ABI3BP: variants seen among roughly 807,000 people sequenced by gnomAD.
ABI3BP encodes the protein ABI family member 3 binding protein, also known as target of Nesh-SH3.
A neutral mutation model predicts 268.6 loss-of-function variants in ABI3BP; 216 were observed. The ratio of observed to expected loss-of-function variants is 0.80; its 90% CI spans 0.72 to 0.90. The LOEUF is 0.90. ABI3BP is among the 40% of genes least tolerant of loss of function. The probability of loss-of-function intolerance (pLI) is 0.00; values close to 1 mark genes in which losing one functional copy is unlikely to be tolerated. For missense variants in ABI3BP, 2,090 were observed against 2,182.4 expected, an observed-to-expected ratio of 0.96 and a Z score of 0.84; for synonymous variants, 730 against 730.0, an observed-to-expected ratio of 1.00 and a Z score of 0.00.
chr3:100,868,886 C>G (rs1449455668), intron 9 of ABI3BP, among the ~76,000 whole-genome samples: 3 of 151,548 alleles, frequency 2.0e-5, no homozygotes, highest in African/African-American at 7.3e-5. Context: ...TTTGTGTGAA[C>G]CATTCTGATT....
intron 18 of ABI3BP, 106 bp from the exon 19 acceptor site, chr3:100,847,779 G>A (rs2098789372): frequency 5.5e-6 from 5 of 910,222 alleles, no homozygotes; most frequent in Non-Finnish European, 8.9e-6. Flanking sequence ...ATATTTAGTA[G>A]TCAAAGTATA....
chr3:100,875,437 C>T, intron 8 of ABI3BP, 71 bp downstream of exon 8: 1 of 1,189,660 alleles, frequency 8.4e-7, no homozygotes, highest in Non-Finnish European at 1.3e-6. Context: ...CTGCAAAACT[C>T]CAGAAAAGCC....
At chr3:100,885,222 T>A (rs1245857192) in intron 6 of ABI3BP, among the ~76,000 whole-genome samples, 1 of 152,054 alleles carries the variant, frequency 6.6e-6, no homozygotes, top group Non-Finnish European at 1.5e-5. Context: ...ATCAATTTGC[T>A]CTTGAAACAT....
chr3:100,977,035 A>G (rs1056329169), intron 1 of ABI3BP, among the ~76,000 whole-genome samples: 2 of 151,960 alleles, frequency 1.3e-5, no homozygotes, highest in Non-Finnish European at 2.9e-5. Context: ...TTTTCCAATC[A>G]CTCTTTAATC....
At chr3:100,830,769 G>A in intron 31 of ABI3BP, 135 bp from the exon 32 acceptor site, 1 of 668,736 alleles carries the variant, frequency 1.5e-6, no homozygotes, top group Non-Finnish European at 2.4e-6. Flanking sequence ...AAAGAAAGTG[G>A]CTGTATTTTT....
intron 1 of ABI3BP, among the ~76,000 whole-genome samples, chr3:100,975,544 C>A (rs1338708986): frequency 1.4e-4 from 22 of 152,048 alleles, no homozygotes; most frequent in Admixed American, 1.4e-3. Context: ...TGCTTTTAGA[C>A]CTGACTCAAT....
intron 54 of ABI3BP, among the ~76,000 whole-genome samples, chr3:100,793,218 A>G (rs1416672292): frequency 6.6e-6 from 1 of 151,994 alleles, no homozygotes; most frequent in African/African-American, 2.4e-5. Flanking sequence ...TATTTTTCTC[A>G]TGTGAAAATC....
At chr3:100,830,759 A>G (rs558703418) in intron 31 of ABI3BP, 125 bp from the exon 32 acceptor site, 44 of 698,570 alleles carry the variant, frequency 6.3e-5, no homozygotes, top group African/African-American at 5.9e-4. Context: ...TCATAACTCA[A>G]AAGAAAGTGG....
intron 57 of ABI3BP, among the ~76,000 whole-genome samples, chr3:100,784,258 A>T (rs2096957726): frequency 6.6e-6 from 1 of 152,198 alleles, no homozygotes; most frequent in Non-Finnish European, 1.5e-5. Flanking sequence ...TTCCAAGGGC[A>T]CAACCTTAGG....
intron 9 of ABI3BP, among the ~76,000 whole-genome samples, chr3:100,869,403 T>C (rs1033666318): frequency 7.0e-6 from 1 of 143,006 alleles, no homozygotes; most frequent in African/African-American, 2.6e-5. Context: ...AGTGACATGA[T>C]AATAGTTCAC....
chr3:100,810,271 G>T, intron 49 of ABI3BP, 141 bp downstream of exon 49: 1 of 632,194 alleles, frequency 1.6e-6, no homozygotes, highest in Non-Finnish European at 2.6e-6. Flanking sequence ...ACCAATGATA[G>T]CAGGACATCA....
chr3:100,811,366 G>T, intron 47 of ABI3BP, 89 bp from the exon 48 acceptor site: 1 of 1,010,894 alleles, frequency 9.9e-7, no homozygotes, highest in Non-Finnish European at 1.4e-6. Context: ...TTAATAATTT[G>T]CATCATAATT....
At chr3:100,882,517 C>A (rs571683557) in intron 6 of ABI3BP, among the ~76,000 whole-genome samples, 2 of 151,292 alleles carry the variant, frequency 1.3e-5, no homozygotes, top group South Asian at 4.2e-4. Flanking sequence ...CTTAAAATAT[C>A]TTTTTAATGA....
chr3:100,845,842 A>G (rs538874601), intron 20 of ABI3BP, among the ~76,000 whole-genome samples: 231 of 137,246 alleles, frequency 1.7e-3, no homozygotes, highest in Non-Finnish European at 2.5e-3. Flanking sequence ...CTGCAAAAGC[A>G]GCCTTTTTTT....
chr3:100,758,063 C>T (rs1197140660), intron 63 of ABI3BP, among the ~76,000 whole-genome samples: 1 of 151,984 alleles, frequency 6.6e-6, no homozygotes, highest in East Asian at 1.9e-4. Context: ...AATGCCATGC[C>T]TGATTCTACC....
chr3:100,775,583 G>A (rs1485436731), intron 59 of ABI3BP, among the ~76,000 whole-genome samples: 1 of 152,086 alleles, frequency 6.6e-6, no homozygotes, highest in East Asian at 1.9e-4. Flanking sequence ...TAAGAAGAGG[G>A]AGTGGTTATG....
At chr3:100,878,159 G>A (rs1160948635) in intron 6 of ABI3BP, among the ~76,000 whole-genome samples, 1 of 151,904 alleles carries the variant, frequency 6.6e-6, no homozygotes, top group Non-Finnish European at 1.5e-5. Flanking sequence ...AAAAATAGAG[G>A]TTTTATTAAA....
intron 65 of ABI3BP, 60 bp downstream of exon 65, chr3:100,753,759 T>G: frequency 2.5e-6 from 4 of 1,570,476 alleles, no homozygotes. Context: ...CTGCCATGCC[T>G]GTTCAGTTGA....
At chr3:100,911,938 G>C in intron 2 of ABI3BP, 4 of 1,100,252 alleles carry the variant, frequency 3.6e-6, no homozygotes, top group Non-Finnish European at 5.6e-6. Context: ...ATTTTCTTCA[G>C]TGCTTGCTCA....
Sources: gnomAD v4.1 joint callset for allele counts (sites outside exome capture counted in the v4.1 genomes callset) on GRCh38, gnomAD v4.1.1 for gene constraint, MANE v1.5 for transcripts, NCBI Gene and HGNC (gene_info 2026-07-23, HGNC 2026-07-21) for gene names.